Variants in TFB2M observed in about 807,000 individuals in gnomAD.
TFB2M encodes the protein transcription factor B2, mitochondrial.
In TFB2M, 44 loss-of-function variants were observed where a neutral mutation model predicts 41.3. That is an observed-to-expected ratio of 1.07 (90% CI 0.84 to 1.37). The LOEUF (loss-of-function observed/expected upper bound fraction) is 1.37, where lower values mean the gene tolerates loss of function less well. Ranked by LOEUF, TFB2M falls within the 40% of genes most tolerant of loss-of-function variation. The probability of loss-of-function intolerance (pLI) is 0.00; values close to 1 mark genes in which losing one functional copy is unlikely to be tolerated. For synonymous variants in TFB2M, 188 were observed against 176.8 expected (o/e 1.06, Z -0.50); for missense variants, 496 against 490.2 (o/e 1.01, Z -0.11).
At chr1:246,544,899 G>A (rs1435268722) in intron 6 of TFB2M, among the ~76,000 whole-genome samples, 5 of 152,014 alleles carry the variant, frequency 3.3e-5, no homozygotes, top group Non-Finnish European at 7.4e-5. Context: ...TCCATCTCCC[G>A]GGTTCATGCC....
intron 7 of TFB2M, 53 bp from the exon 8 acceptor site, chr1:246,541,255 A>G (rs1375925883): frequency 1.2e-5 from 19 of 1,549,850 alleles, no homozygotes; most frequent in Non-Finnish European, 1.6e-5. Context: ...TGCATCTATC[A>G]GTTCACGGTG....
Position 246,544,623 on chromosome 1 carries a change from T to A in TFB2M, c.917A>T (p.Asn306Ile). 2 of 1,608,730 alleles carry A rather than the reference T, an allele frequency of 1.2e-6. No homozygotes were observed. Among genetic ancestry groups the A allele is most frequent in the Non-Finnish European group, 1.7e-6 (2 of 1,178,776 alleles). ...AGGTGTTAAGTTCTTGGTAAATAAA[T>A]TTTGACGAGGAATCATTTGAATAAG... Reference protein sequence around the residue: ...LYLIQMIPRQNLFTKNLTPMN... With the variant: ...LYLIQMIPRQILFTKNLTPMN... The change falls in exon 7 of 8, where the codon AAT becomes ATT. Residue 306 changes from asparagine to isoleucine, a missense_variant. By Grantham distance (149) the Asn-to-Ile change is moderately radical. Transcript: ENST00000366514.
intron 6 of TFB2M, among the ~76,000 whole-genome samples, chr1:246,546,890 T>C (rs1217004032): frequency 2.0e-5 from 3 of 151,794 alleles, no homozygotes; most frequent in African/African-American, 7.3e-5. Flanking sequence ...ATGTGAAATA[T>C]CTAAAATAAA....
Position 246,557,425 on chromosome 1 carries a change from C to T in TFB2M, c.512G>A (p.Gly171Glu), listed in dbSNP as rs749237959. 2 of 1,613,368 alleles carry T rather than the reference C, an allele frequency of 1.2e-6. No individual in the cohort carries two copies. The highest frequency in any genetic ancestry group is 1.3e-5 in the African/African-American group (1 of 74,948). The change falls in exon 3 of 8, where the codon GGG becomes GAG. Residue 171 changes from glycine (G) to glutamate (E), a missense_variant. Physicochemically the swap from Gly to Glu is moderately conservative, Grantham distance 98. Coordinates refer to ENST00000366514, the MANE Select transcript of TFB2M (RefSeq NM_022366.3). Reference protein sequence around the residue: ...VIKPPAMSSRGLFKNLGIEAV... With the variant: ...VIKPPAMSSRELFKNLGIEAV... ...TTCTATTCCCAAATTCTTAAAGAGC[C>T]CTCGAGAAGACATAGCAGGTGGTTT...
chr1:246,563,788 G>A (rs1007454264), intron 2 of TFB2M, among the ~76,000 whole-genome samples: 9 of 152,032 alleles, frequency 5.9e-5, no homozygotes, highest in Admixed American at 6.5e-5. Flanking sequence ...GATGTATATG[G>A]AACAAAAAAG....
intron 6 of TFB2M, among the ~76,000 whole-genome samples, chr1:246,545,874 G>C (rs955241421): frequency 1.4e-5 from 2 of 144,040 alleles, no homozygotes; most frequent in Non-Finnish European, 3.0e-5. Context: ...CAGCTGCAAA[G>C]CAAGTCCACT....
chr1:246,544,738 T>C (rs1658952643), intron 6 of TFB2M, 57 bp from the exon 7 acceptor site: 1 of 1,463,530 alleles, frequency 6.8e-7, no homozygotes. Flanking sequence ...GAGTAAGACA[T>C]TGCTCACTTC....
intron 7 of TFB2M, among the ~76,000 whole-genome samples, chr1:246,542,633 C>T (rs3124112): frequency 0.19 from 29,231 of 152,102 alleles, 3,637 homozygotes; most frequent in Middle Eastern, 0.39. Context: ...GATTGTGCCA[C>T]TGTACTCCAG....
intron 7 of TFB2M, among the ~76,000 whole-genome samples, chr1:246,544,072 T>G (rs545121233): frequency 1.3e-5 from 2 of 152,160 alleles, no homozygotes; most frequent in African/African-American, 4.8e-5. Context: ...TTACAAAGCT[T>G]TGGGTAAAAA....
At chr1:246,553,647 G>C (rs56263741) in intron 4 of TFB2M, among the ~76,000 whole-genome samples, 1 of 151,682 alleles carries the variant, frequency 6.6e-6, no homozygotes, top group Non-Finnish European at 1.5e-5. Flanking sequence ...CAGCCTGGGC[G>C]ACAGTGAGAC....
At chr1:246,545,384 G>C (rs1026067244) in intron 6 of TFB2M, among the ~76,000 whole-genome samples, 1 of 151,916 alleles carries the variant, frequency 6.6e-6, no homozygotes, top group African/African-American at 2.4e-5. Context: ...AATTAGCTGG[G>C]TGTGGTGGTG....
chr1:246,546,173 G>A (rs532848595), intron 6 of TFB2M, among the ~76,000 whole-genome samples: 13 of 152,088 alleles, frequency 8.5e-5, no homozygotes, highest in East Asian at 1.9e-4. Context: ...CTAGCTGGGC[G>A]TGGGATGCAC....
At chr1:246,562,318 G>C (rs1659477794) in intron 2 of TFB2M, among the ~76,000 whole-genome samples, 1 of 152,212 alleles carries the variant, frequency 6.6e-6, no homozygotes, top group African/African-American at 2.4e-5. Flanking sequence ...ACTGGTTAAA[G>C]ACCCAAAGGA....
intron 5 of TFB2M, among the ~76,000 whole-genome samples, chr1:246,549,199 A>G (rs1243203064): frequency 6.6e-6 from 1 of 151,964 alleles, no homozygotes; most frequent in African/African-American, 2.4e-5. Context: ...AAAAACAACA[A>G]TAACAAAAAC....
chr1:246,564,530 GT>G, intron 1 of TFB2M, 96 bp from the exon 2 acceptor site: 1 of 1,162,662 alleles, frequency 8.6e-7, no homozygotes, highest in Non-Finnish European at 1.3e-6. Flanking sequence ...TTATTACCTG[GT>G]TTTTAAATCT....
intron 4 of TFB2M, 149 bp from the exon 5 acceptor site, chr1:246,551,451 G>A (rs571932965): frequency 3.6e-5 from 22 of 613,814 alleles, no homozygotes; most frequent in African/African-American, 3.5e-4. Context: ...GTGCAGCGGT[G>A]CACGCCTGTA....
At chr1:246,562,263 T>C (rs564639978) in intron 2 of TFB2M, among the ~76,000 whole-genome samples, 3 of 152,274 alleles carry the variant, frequency 2.0e-5, no homozygotes, top group Non-Finnish European at 4.4e-5. Context: ...TTTCCTAAGT[T>C]GAAACGGAAG....
At chr1:246,542,918 T>A (rs943587753) in intron 7 of TFB2M, among the ~76,000 whole-genome samples, 4 of 125,336 alleles carry the variant, frequency 3.2e-5, no homozygotes, top group African/African-American at 9.3e-5. Context: ...TTTTTTTTTT[T>A]AGAGATAGAG....
At chr1:246,560,074 T>C (rs1431907423) in intron 2 of TFB2M, among the ~76,000 whole-genome samples, 1 of 152,092 alleles carries the variant, frequency 6.6e-6, no homozygotes, top group African/African-American at 2.4e-5. Context: ...TCTTAAAACA[T>C]TATGAGATGT....
Sources: allele counts gnomAD v4.1 joint callset (sites outside exome capture counted in the v4.1 genomes callset), GRCh38; gene constraint gnomAD v4.1.1; transcripts MANE v1.5; gene names NCBI Gene and HGNC (gene_info 2026-07-23, HGNC 2026-07-21).